The following BMPER variants were observed in gnomAD, a reference collection of about 807,000 sequenced individuals.
BMPER encodes BMP-binding endothelial regulator protein.
BMPER carries 45 observed loss-of-function variants against 87.3 expected under a neutral mutation model. That is an observed-to-expected ratio of 0.52 (90% CI 0.41 to 0.66). The LOEUF (loss-of-function observed/expected upper bound fraction) is 0.66, where lower values mean the gene tolerates loss of function less well. BMPER is among the 30% of genes least tolerant of loss of function. The pLI is 0.00. For missense variants in BMPER, 784 were observed against 867.5 expected, an observed-to-expected ratio of 0.90 and a Z score of 1.21; for synonymous variants, 326 against 316.2, an observed-to-expected ratio of 1.03 and a Z score of -0.33.
chr7:33,959,965 A>G (rs1042174612), intron 3 of BMPER, among the ~76,000 whole-genome samples: 1 of 152,202 alleles, frequency 6.6e-6, no homozygotes, highest in African/African-American at 2.4e-5. Context: ...CTCATCTGAA[A>G]TTTCTGCATA....
At chr7:33,966,306 A>T (rs1445722299) in intron 3 of BMPER, among the ~76,000 whole-genome samples, 173 bp from the exon 4 acceptor site, 1 of 152,218 alleles carries the variant, frequency 6.6e-6, no homozygotes, top group Non-Finnish European at 1.5e-5. Flanking sequence ...AGTGAATGTC[A>T]AGTGGATACT....
At chr7:33,957,442 G>A (rs1196420697) in intron 3 of BMPER, among the ~76,000 whole-genome samples, 1 of 151,500 alleles carries the variant, frequency 6.6e-6, no homozygotes, top group African/African-American at 2.4e-5. Context: ...CCAGGGATTA[G>A]AGACAGAAGC....
At chr7:34,011,327 G>A (rs1000878246) in intron 6 of BMPER, among the ~76,000 whole-genome samples, 5 of 151,702 alleles carry the variant, frequency 3.3e-5, no homozygotes, top group African/African-American at 4.8e-5. Context: ...TGGTTCATAA[G>A]GCATACTTTG....
At chr7:34,138,962 G>T (rs989590001) in intron 13 of BMPER, among the ~76,000 whole-genome samples, 2 of 152,156 alleles carry the variant, frequency 1.3e-5, no homozygotes, top group African/African-American at 4.8e-5. Context: ...TAGACTATGG[G>T]TGCATACTGA....
chr7:34,042,490 A>G (rs751196465), intron 6 of BMPER, among the ~76,000 whole-genome samples: 23 of 152,202 alleles, frequency 1.5e-4, no homozygotes, highest in Non-Finnish European at 2.8e-4. Context: ...CCAGCTTTAC[A>G]TGCTGAAATT....
At chr7:33,946,840 G>A (rs972145915) in intron 3 of BMPER, among the ~76,000 whole-genome samples, 1 of 152,118 alleles carries the variant, frequency 6.6e-6, no homozygotes, top group Non-Finnish European at 1.5e-5. Flanking sequence ...ATGCATTTGC[G>A]TTCCTGTTTT....
chr7:33,980,554 G>C (rs1180491115), intron 6 of BMPER, among the ~76,000 whole-genome samples: 1 of 152,162 alleles, frequency 6.6e-6, no homozygotes, highest in Non-Finnish European at 1.5e-5. Flanking sequence ...CTTCAATGTT[G>C]TGAGACTAAA....
chr7:34,079,363 T>C (rs758506565), intron 12 of BMPER, among the ~76,000 whole-genome samples, 177 bp downstream of exon 12: 1 of 152,202 alleles, frequency 6.6e-6, no homozygotes, highest in Non-Finnish European at 1.5e-5. Flanking sequence ...AGTCACATCC[T>C]GAAGATGCCA....
intron 13 of BMPER, among the ~76,000 whole-genome samples, chr7:34,104,933 G>C (rs1454601589): frequency 2.0e-5 from 3 of 152,158 alleles, no homozygotes; most frequent in African/African-American, 7.2e-5. Context: ...AGAGCTAAAT[G>C]ATTCCCAGAG....
chr7:33,950,471 CA>C (rs970274936), intron 3 of BMPER, among the ~76,000 whole-genome samples: 3 of 152,132 alleles, frequency 2.0e-5, no homozygotes, highest in African/African-American at 7.2e-5. Context: ...CTGGGTCTCT[CA>C]AGTCTGCAAT....
chr7:34,035,773 C>T (rs1052675799), intron 6 of BMPER, among the ~76,000 whole-genome samples: 25 of 152,178 alleles, frequency 1.6e-4, no homozygotes, highest in Admixed American at 2.0e-4. Flanking sequence ...ATGGCTTCTG[C>T]CCTCTGTGAA....
At chr7:34,045,063 T>C (rs2127957172) in intron 6 of BMPER, among the ~76,000 whole-genome samples, 1 of 152,272 alleles carries the variant, frequency 6.6e-6, no homozygotes, top group Non-Finnish European at 1.5e-5. Flanking sequence ...TCTCATTTCC[T>C]GAGGCCTCTT....
chr7:34,044,356 A>G (rs563479838), intron 6 of BMPER, among the ~76,000 whole-genome samples: 7 of 152,226 alleles, frequency 4.6e-5, no homozygotes, highest in African/African-American at 1.7e-4. Context: ...TGATCCAACA[A>G]GAACAGAGAA....
At chr7:34,031,344 A>T (rs1046274012) in intron 6 of BMPER, among the ~76,000 whole-genome samples, 6 of 152,096 alleles carry the variant, frequency 3.9e-5, no homozygotes, top group Non-Finnish European at 7.4e-5. Context: ...CCTCCAAACA[A>T]ACCCCTCCTT....
chr7:33,985,644 T>G (rs566337287), intron 6 of BMPER, among the ~76,000 whole-genome samples: 1 of 152,292 alleles, frequency 6.6e-6, no homozygotes, highest in East Asian at 1.9e-4. Context: ...TCCTGCACCA[T>G]AACTATTTTC....
intron 6 of BMPER, among the ~76,000 whole-genome samples, chr7:34,036,885 C>T (rs545689498): frequency 2.0e-4 from 31 of 152,000 alleles, no homozygotes; most frequent in East Asian, 5.8e-4. Flanking sequence ...AAAGAAAAAA[C>T]GTAAAAGAAA....
At chr7:33,906,971 A>T in intron 2 of BMPER, 68 bp downstream of exon 2, 2 of 1,369,572 alleles carry the variant, frequency 1.5e-6, no homozygotes, top group East Asian at 2.3e-5. Flanking sequence ...ATTAAATGTG[A>T]TAATATAACC....
chr7:33,924,650 TTTTC>T (rs1460465125), intron 2 of BMPER, among the ~76,000 whole-genome samples: 1 of 152,136 alleles, frequency 6.6e-6, no homozygotes, highest in Non-Finnish European at 1.5e-5. Flanking sequence ...ATAGAGGGTA[TTTTC>T]TTTATTTCTT....
chr7:33,934,140 C>T (rs963473738), intron 2 of BMPER, among the ~76,000 whole-genome samples: 3 of 152,152 alleles, frequency 2.0e-5, no homozygotes, highest in Non-Finnish European at 4.4e-5. Context: ...CATGGCTTTG[C>T]GTGTGCCACT....
Sources: gnomAD v4.1 joint callset for allele counts (sites outside exome capture counted in the v4.1 genomes callset) on GRCh38, gnomAD v4.1.1 for gene constraint, MANE v1.5 for transcripts, NCBI Gene and HGNC (gene_info 2026-07-23, HGNC 2026-07-21) for gene names.